Variants in MIGA2 observed in about 807,000 individuals in gnomAD.
MIGA2 encodes mitoguardin 2, also known as family with sequence similarity 73, member B.
In MIGA2, 36 loss-of-function variants were observed where a neutral mutation model predicts 69.9. The observed-to-expected ratio is 0.52, with a 90% CI of 0.39 to 0.68. The LOEUF (loss-of-function observed/expected upper bound fraction) is 0.68, where lower values mean the gene tolerates loss of function less well. MIGA2 is among the 30% of genes least tolerant of loss of function. The probability of loss-of-function intolerance (pLI) is 0.00; values close to 1 mark genes in which losing one functional copy is unlikely to be tolerated. For synonymous variants in MIGA2, 333 were observed against 349.2 expected (o/e 0.95, Z 0.52); for missense variants, 660 against 787.7 (o/e 0.84, Z 1.94).
chr9:129,049,315 T>A (rs1281530177), intron 4 of MIGA2, 66 bp from the exon 5 acceptor site: 1 of 1,513,966 alleles, frequency 6.6e-7, no homozygotes, highest in Non-Finnish European at 9.1e-7. Context: ...GGAGGAGGGC[T>A]CAGGGGGGCC....
intron 6 of MIGA2, among the ~76,000 whole-genome samples, chr9:129,055,040 C>T (rs965050631): frequency 2.0e-5 from 3 of 150,098 alleles, no homozygotes; most frequent in African/African-American, 4.9e-5. Context: ...TACAGGCGCA[C>T]GTCACCACGC....
At position 129,069,193 on chromosome 9, in the gene MIGA2, A is replaced by G; in HGVS notation, c.1458+64A>G. The G allele has an allele frequency of 6.2e-7, 1 of 1,605,556 alleles. No homozygotes were observed. The highest frequency in any genetic ancestry group is 2.2e-5 in the East Asian group (1 of 44,846). On this transcript the variant is annotated intron_variant, in intron 14 of 15. Transcript: ENST00000684074. This position sits in a 1 kb window ranked among gnomAD's most constrained non-coding sequence, Gnocchi z 4.9. ...TCTGAGGCAGCGTGGTGGGGAGCGG[A>G]GCGGGTGCAGGGTGGCTCGCTGGGC... is the stretch of plus-strand genomic sequence containing the variant.
chr9:129,067,458 AT>A (rs1189535903), intron 11 of MIGA2: 7 of 336,070 alleles, frequency 2.1e-5, no homozygotes. Context: ...GGTCACGGAG[AT>A]TTGAACCTTC....
At chr9:129,051,970 T>C (rs1226722051) in intron 6 of MIGA2, among the ~76,000 whole-genome samples, 3 of 151,910 alleles carry the variant, frequency 2.0e-5, no homozygotes, top group East Asian at 1.9e-4. Context: ...GGACTACAGG[T>C]GCCTACCACC....
intron 3 of MIGA2, among the ~76,000 whole-genome samples, chr9:129,045,484 T>C (rs886171065): frequency 8.5e-6 from 1 of 117,982 alleles, no homozygotes; most frequent in Non-Finnish European, 1.7e-5. Context: ...GTAGACCGGG[T>C]GTGGTGGCTC....
chr9:129,063,655 G>GGGGGGGGGGGGGCGC, intron 11 of MIGA2, 24 bp downstream of exon 11: 1 of 645,746 alleles, frequency 1.5e-6, no homozygotes, highest in Non-Finnish European at 2.9e-6. Context: ...GGGTGGGGGG[G>GGGGGGGGGGGGGCGC]CAAATTATAA....
Position 129,070,519 on chromosome 9 carries a change from C to T in MIGA2, c.*66C>T. The T allele has an allele frequency of 6.9e-7, 1 of 1,440,130 alleles. No homozygotes were observed. The highest frequency in any genetic ancestry group is 1.4e-5 in the South Asian group (1 of 71,846). 89.2% of individuals were successfully genotyped at this position (1,440,130 alleles called of 1,614,324 possible). ...CTCCCTTCCCTGGGTTGGTATCTGA[C>T]AGCTGTGGTGGCTGAGGGCCGTTGC... On this transcript the variant is annotated 3_prime_UTR_variant, in exon 16 of 16. Transcript: ENST00000684074.
At position 129,070,240 on chromosome 9, in the gene MIGA2, C is replaced by G; in HGVS notation, c.1576-7C>G. The G allele has an allele frequency of 6.2e-7, 1 of 1,609,454 alleles. No individual in the cohort carries two copies. On this transcript the variant is annotated splice_polypyrimidine_tract_variant and splice_region_variant and intron_variant, in intron 15 of 15. Coordinates refer to ENST00000684074, the MANE Select transcript of MIGA2 (RefSeq NM_001329990.2). ...GGCCAGGCCTGACACCAGCCCTGCTCCCCCAGCACCAGATTGTGCAGTACC... is the reference window on the plus strand; with the variant it reads ...GGCCAGGCCTGACACCAGCCCTGCTGCCCCAGCACCAGATTGTGCAGTACC...
chr9:129,043,589 G>A (rs1218411215), intron 3 of MIGA2, among the ~76,000 whole-genome samples: 19 of 151,380 alleles, frequency 1.3e-4, no homozygotes, highest in Admixed American at 3.3e-4. Context: ...ATTTCGCCAC[G>A]TTGGCCAGGC....
Position 129,060,522 on chromosome 9 carries a change from C to G in MIGA2, c.794-28C>G, listed in dbSNP as rs934116741. On this transcript the variant is annotated intron_variant, in intron 7 of 15. Transcript: ENST00000684074. This position sits in a 1 kb window ranked among gnomAD's most constrained non-coding sequence, Gnocchi z 4.8. ...CTGAGCACTGTGTGGGGAGTCTCAGCCCCGCTTTCTCTCACTGCTCTTCCC... is the reference window on the plus strand; with the variant it reads ...CTGAGCACTGTGTGGGGAGTCTCAGGCCCGCTTTCTCTCACTGCTCTTCCC... 1 of 1,546,300 alleles carries G rather than the reference C, an allele frequency of 6.5e-7. No individual in the cohort carries two copies. Among genetic ancestry groups the G allele is most frequent in the Non-Finnish European group, 8.8e-7 (1 of 1,138,350 alleles).
rs1438331118 is a variant in MIGA2 at position 129,060,421 on chromosome 9, T to C, written c.794-129T>C. On this transcript the variant is annotated intron_variant, in intron 7 of 15. Transcript: ENST00000684074. This position sits in a 1 kb window ranked among gnomAD's most constrained non-coding sequence, Gnocchi z 4.8. ...CGCTTGGCACGTCAGAGCTTTGCCA[T>C]TGAGTGTGGGAATCACAGGCTCGGG... 1.4e-6 allele frequency: 1 copy of C among 720,676 alleles called. No individual in the cohort carries two copies. Among genetic ancestry groups the C allele is most frequent in the Non-Finnish European group, 2.3e-6 (1 of 436,960 alleles). The allele number at this position is 720,676 out of a possible 1,614,324, so 44.6% of individuals were successfully genotyped here. A position where few individuals can be genotyped will look rare whatever the true frequency, so the allele number is the denominator to read the frequency against.
intron 6 of MIGA2, among the ~76,000 whole-genome samples, chr9:129,051,636 C>T (rs78250259): frequency 0.072 from 10,663 of 149,100 alleles, 766 homozygotes; most frequent in Admixed American, 0.19. Context: ...TGCTCTGCCG[C>T]CCAGGCTGGA....
chr9:129,037,973 G>T (rs17508279), intron 1 of MIGA2, among the ~76,000 whole-genome samples: 1 of 152,162 alleles, frequency 6.6e-6, no homozygotes, highest in African/African-American at 2.4e-5. Flanking sequence ...TGGACCCAAA[G>T]CCTGTCGTGG....
intron 6 of MIGA2, among the ~76,000 whole-genome samples, chr9:129,050,582 T>TA: frequency 6.6e-6 from 1 of 150,832 alleles, no homozygotes; most frequent in African/African-American, 2.4e-5. Context: ...TGTTTTTTTT[T>TA]TTTTTTTGAA....
rs769893314 is a variant in MIGA2 at position 129,048,550 on chromosome 9, G to C, written c.420+11G>C. The stretch of plus-strand genomic sequence containing the variant: ...CACAGTGTGGCCTCGGTGAGCAGCA[G>C]GTGCCAGGGCTCCAGGGCTCCAGGT... On this transcript the variant is annotated intron_variant, in intron 4 of 15. Transcript: ENST00000684074. The C allele has an allele frequency of 9.3e-6, 15 of 1,611,046 alleles. No homozygotes were observed. Among genetic ancestry groups the C allele is most frequent in the Non-Finnish European group, 1.3e-5 (15 of 1,177,370 alleles).
intron 11 of MIGA2, among the ~76,000 whole-genome samples, chr9:129,066,171 G>A (rs1352946955): frequency 6.6e-6 from 1 of 152,188 alleles, no homozygotes; most frequent in African/African-American, 2.4e-5. Context: ...GGAAGGGAAG[G>A]CGGCTTGTCC....
chr9:129,069,999 C>T lies in MIGA2; in HGVS notation c.1575+34C>T. On this transcript the variant is annotated intron_variant, in intron 15 of 15. Transcript: ENST00000684074. The surrounding 1 kb of genome is among the most constrained non-coding windows in gnomAD (Gnocchi z 4.9). ...AGAGCAGTTCTCGTTCTTTCCTGAC[C>T]CTTGCCCTGAGCACAGGCGCCCTGG... is the stretch of plus-strand genomic sequence containing the variant. The T allele has an allele frequency of 6.6e-7, 1 of 1,520,226 alleles. No homozygotes were observed. The highest frequency in any genetic ancestry group is 8.9e-7 in the Non-Finnish European group (1 of 1,119,548). The allele number at this position is 1,520,226 out of a possible 1,614,324, so 94.2% of individuals were successfully genotyped here. A position where few individuals can be genotyped will look rare whatever the true frequency, so the allele number is the denominator to read the frequency against.
chr9:129,068,457 T>G lies in MIGA2; in HGVS notation c.1404+125T>G. On this transcript the variant is annotated intron_variant, in intron 13 of 15. Transcript: ENST00000684074. This position sits in a 1 kb window ranked among gnomAD's most constrained non-coding sequence, Gnocchi z 4.1. ...GGCCCCCACCCCCTAGATCCGCGGCTGCCAGGCCTGGGAGACCAGAGTCTG... is the reference window on the plus strand; with the variant it reads ...GGCCCCCACCCCCTAGATCCGCGGCGGCCAGGCCTGGGAGACCAGAGTCTG... 2.0e-5 allele frequency: 26 copies of G among 1,326,636 alleles called. No homozygotes were observed. Among genetic ancestry groups the G allele is most frequent in the Non-Finnish European group, 2.7e-5 (26 of 970,096 alleles). 82.2% of individuals were successfully genotyped at this position (1,326,636 alleles called of 1,614,324 possible). A position where few individuals can be genotyped will look rare whatever the true frequency, so the allele number is the denominator to read the frequency against.
At position 129,067,118 on chromosome 9, in the gene MIGA2, A is replaced by G. The variant is rs547757369; in HGVS notation, c.1171-655A>G. On this transcript the variant is annotated intron_variant, in intron 11 of 15. Transcript: ENST00000684074. ...GCCACTGCACTCCAGCCTAGGTGAC[A>G]GAGCGAGACTCCATCTCAAAAAAAA... Among the ~76,000 whole-genome samples the G allele has an allele frequency of 2.0e-4, 30 of 148,698 alleles. No homozygotes were observed. In the East Asian group the frequency reaches 5.7e-3, roughly 28 times the overall value.
Sources: allele counts gnomAD v4.1 joint callset (sites outside exome capture counted in the v4.1 genomes callset), GRCh38; gene constraint gnomAD v4.1.1; non-coding constraint Gnocchi (gnomAD v3.1); transcripts MANE v1.5; gene names NCBI Gene and HGNC (gene_info 2026-07-23, HGNC 2026-07-21).